Variants in TUBB observed in about 807,000 individuals in gnomAD.
The protein encoded by TUBB is tubulin beta class I, also known as tubulin beta chain.
In TUBB, 2 loss-of-function variants were observed where a neutral mutation model predicts 35.1. The ratio of observed to expected loss-of-function variants is 0.06; its 90% CI spans 0.02 to 0.18. The LOEUF (loss-of-function observed/expected upper bound fraction) is 0.18. TUBB is among the 10% of genes least tolerant of loss of function. TUBB has a pLI of 1.00. For missense variants in TUBB, 50 were observed against 599.4 expected, an observed-to-expected ratio of 0.08 and a Z score of 9.57; for synonymous variants, 205 against 223.8, an observed-to-expected ratio of 0.92 and a Z score of 0.75.
chr6:30,721,245 T>TC (rs1776207602), intron 1 of TUBB, among the ~76,000 whole-genome samples: 1 of 151,894 alleles, frequency 6.6e-6, no homozygotes, highest in South Asian at 2.1e-4. Context: ...CTTTAATGAG[T>TC]CCCTCAGGAC....
chr6:30,722,683 C>T (rs1351587678), intron 2 of TUBB, 38 bp downstream of exon 2: 1 of 1,509,920 alleles, frequency 6.6e-7, no homozygotes, highest in Admixed American at 1.7e-5. Flanking sequence ...GTTCCCTTCC[C>T]TGTCTCCCAC....
rs1776532382 is a variant in TUBB, at chr6:30,724,810, G to A, written c.*413G>A. ...AAATGGTAGAAGGTAGTGGGTAGAAGTCACTATATAAGGAAGGGGATGGGA... is the reference window on the plus strand; with the variant it reads ...AAATGGTAGAAGGTAGTGGGTAGAAATCACTATATAAGGAAGGGGATGGGA... On this transcript the variant is annotated 3_prime_UTR_variant, in exon 4 of 4. Coordinates refer to ENST00000327892, the MANE Select transcript of TUBB (RefSeq NM_178014.4). The surrounding 1 kb of genome is among the most constrained non-coding windows in gnomAD (Gnocchi z 4.4). 1 of 191,294 alleles carries A rather than the reference G, an allele frequency of 5.2e-6. No individual in the cohort carries two copies. The highest frequency in any genetic ancestry group is 2.3e-5 in the African/African-American group (1 of 42,574). 11.8% of individuals were successfully genotyped at this position (191,294 alleles called of 1,614,324 possible).
At chr6:30,720,608 C>T in intron 1 of TUBB, 45 bp downstream of exon 1, 1 of 1,575,988 alleles carries the variant, frequency 6.3e-7, no homozygotes, top group Admixed American at 1.8e-5. Flanking sequence ...AAGGAAAAAT[C>T]CAGGTAAGTT....
rs772651463 is a variant in TUBB at position 30,720,465 on chromosome 6, C to G, written c.-42C>G. 65 of 1,598,272 alleles carry G rather than the reference C, an allele frequency of 4.1e-5. No individual in the cohort carries two copies. Among genetic ancestry groups the G allele is most frequent in the Admixed American group, 2.3e-4 (14 of 59,980 alleles). ...AAAAAAAATTACTTATTTTCTTGCC[C>G]CATACATACCTTGAGGCGAGCAAAA... On this transcript the variant is annotated 5_prime_UTR_variant, in exon 1 of 4. Coordinates refer to ENST00000327892, the MANE Select transcript of TUBB (RefSeq NM_178014.4).
chr6:30,724,523 G>C lies in TUBB; in HGVS notation c.*126G>C, dbSNP rs193275555. 1.8e-4 allele frequency: 153 copies of C among 834,372 alleles called. No homozygotes were observed. The East Asian group carries it at 3.8e-3, about 21-fold the overall frequency. 51.7% of individuals were successfully genotyped at this position (834,372 alleles called of 1,614,324 possible). On this transcript the variant is annotated 3_prime_UTR_variant, in exon 4 of 4. Coordinates refer to ENST00000327892, the MANE Select transcript of TUBB (RefSeq NM_178014.4). This position sits in a 1 kb window ranked among gnomAD's most constrained non-coding sequence, Gnocchi z 4.4. ...GTTTTTTGTTTTTTCTTCTGGGGGGGGTCTAGAACAGTGCCTGGCACATAG... is the reference window on the plus strand; with the variant it reads ...GTTTTTTGTTTTTTCTTCTGGGGGGCGTCTAGAACAGTGCCTGGCACATAG...
chr6:30,725,254 T>C lies in TUBB; in HGVS notation c.*857T>C, dbSNP rs1343005324. 1 of 158,112 alleles carries C rather than the reference T, an allele frequency of 6.3e-6. No homozygotes were observed. The highest frequency in any genetic ancestry group is 2.4e-5 in the African/African-American group (1 of 41,500). The allele number at this position is 158,112 out of a possible 1,614,324, so 9.8% of individuals were successfully genotyped here. On this transcript the variant is annotated 3_prime_UTR_variant, in exon 4 of 4. Transcript: ENST00000327892. Reference sequence around the variant, plus strand: ...AGGAGAGGGGAACCCTCCTCCATCTTTTTTGCAACATCTCATTTCTTCCTT... The same window carrying C: ...AGGAGAGGGGAACCCTCCTCCATCTCTTTTGCAACATCTCATTTCTTCCTT...
chr6:30,720,445 A>T lies in TUBB; in HGVS notation c.-62A>T, dbSNP rs1409039587. 1.9e-6 allele frequency: 3 copies of T among 1,571,234 alleles called. No individual in the cohort carries two copies. In the East Asian group the frequency reaches 6.7e-5, roughly 35 times the overall value. ...CCAGCCTGCGACCTGCGGAGAAAAA[A>T]AATTACTTATTTTCTTGCCCCATAC... On this transcript the variant is annotated 5_prime_UTR_variant, in exon 1 of 4. Coordinates refer to ENST00000327892, the MANE Select transcript of TUBB (RefSeq NM_178014.4).
rs182774753 is a variant in TUBB, at chr6:30,722,419, G to T, written c.58-118G>T. Reference sequence around the variant, plus strand: ...GATAGCGCCACTGCACTCCAGCCTGGTGACAGAGCGAGACTCCGTCTCAAA... The same window carrying T: ...GATAGCGCCACTGCACTCCAGCCTGTTGACAGAGCGAGACTCCGTCTCAAA... On this transcript the variant is annotated intron_variant, in intron 1 of 3. Coordinates refer to ENST00000327892, the MANE Select transcript of TUBB (RefSeq NM_178014.4). 1,509 of 722,520 alleles carry T rather than the reference G, an allele frequency of 2.1e-3. 21 individuals carry two copies. The highest frequency in any genetic ancestry group is 4.6e-4 in the Non-Finnish European group (195 of 421,392). The allele number at this position is 722,520 out of a possible 1,614,324, so 44.8% of individuals were successfully genotyped here.
intron 1 of TUBB, 93 bp downstream of exon 1, chr6:30,720,656 C>T: frequency 9.0e-7 from 1 of 1,106,256 alleles, no homozygotes; most frequent in Non-Finnish European, 1.3e-6. Flanking sequence ...ACCCGCTATC[C>T]TTAATCAAGA....
At position 30,721,398 on chromosome 6, in the gene TUBB, G is replaced by C. The variant is rs566484366; in HGVS notation, c.57+835G>C. On this transcript the variant is annotated intron_variant, in intron 1 of 3. Transcript: ENST00000327892. Reference sequence around the variant, plus strand: ...GGGCGGGAGGAAGTGCGGCTGCTACGTTGTAGCAGAAGGGCGGGGCCCTGC... The same window carrying C: ...GGGCGGGAGGAAGTGCGGCTGCTACCTTGTAGCAGAAGGGCGGGGCCCTGC... 3.1e-4 allele frequency among the ~76,000 whole-genome samples: 46 copies of C among 149,906 alleles called. 1 individual carries two copies. Among genetic ancestry groups the C allele is most frequent in the Admixed American group, 3.0e-3 (45 of 15,094 alleles).
At chr6:30,721,450 C>T (rs1254169434) in intron 1 of TUBB, 1 of 667,908 alleles carries the variant, frequency 1.5e-6, no homozygotes, top group Non-Finnish European at 1.9e-6. Context: ...GCCGTGGGCG[C>T]GCGGGGACAA....
chr6:30,721,598 G>GGCGGGGGGGGTGGTCGACT, intron 1 of TUBB: 1 of 985,332 alleles, frequency 1.0e-6, no homozygotes, highest in Non-Finnish European at 1.2e-6. Flanking sequence ...TCACGTGGAG[G>GGCGGGGGGGGTGGTCGACT]GCGGGGGGGG....
chr6:30,722,884 C>G, intron 2 of TUBB, 34 bp from the exon 3 acceptor site: 1 of 1,558,362 alleles, frequency 6.4e-7, no homozygotes, highest in Non-Finnish European at 8.8e-7. Context: ...TCCCTTCTGC[C>G]AGATTTCACA....
At chr6:30,721,222 G>T (rs1040712663) in intron 1 of TUBB, among the ~76,000 whole-genome samples, 1 of 152,218 alleles carries the variant, frequency 6.6e-6, no homozygotes, top group Admixed American at 6.5e-5. Flanking sequence ...AGAAAATGGG[G>T]GTGTGTGGTT....
intron 1 of TUBB, chr6:30,721,760 A>T: frequency 2.0e-6 from 2 of 985,104 alleles, no homozygotes; most frequent in South Asian, 9.4e-5. Flanking sequence ...CCCGCTGCAC[A>T]TATCCAGAGC....
chr6:30,720,515 A>G lies in TUBB; in HGVS notation c.9A>G (p.Glu3=). 3 of 1,614,112 alleles carry G rather than the reference A, an allele frequency of 1.9e-6. No individual in the cohort carries two copies. Among genetic ancestry groups the G allele is most frequent in the Non-Finnish European group, 2.5e-6 (3 of 1,179,948 alleles). ...AAAATTAAATTTTAACCATGAGGGA[A>G]ATCGTGCACATCCAGGCTGGTCAGT... MR[E]IVHIQAGQCG... is the part of the protein sequence containing the mutation. The change falls in exon 1 of 4, where the codon GAA becomes GAG. Residue 3 remains glutamate (E), a synonymous_variant. Coordinates refer to ENST00000327892, the MANE Select transcript of TUBB (RefSeq NM_178014.4).
chr6:30,722,775 C>T (rs908590487), intron 2 of TUBB, 130 bp downstream of exon 2: 1 of 1,119,746 alleles, frequency 8.9e-7, no homozygotes, highest in African/African-American at 1.6e-5. Context: ...CGTGAACCAC[C>T]GTCGGGGCCA....
chr6:30,724,428 G>A lies in TUBB; in HGVS notation c.*31G>A, dbSNP rs1776493625. 3.2e-6 allele frequency: 5 copies of A among 1,576,798 alleles called. No homozygotes were observed. The South Asian group carries it at 4.6e-5, about 15-fold the overall frequency. ...AGCCCCCATCACCTCAGGCTTCTCA[G>A]TTCCCTTAGCCGTCTTACTCAACTG... is the stretch of plus-strand genomic sequence containing the variant. On this transcript the variant is annotated 3_prime_UTR_variant, in exon 4 of 4. Transcript: ENST00000327892. This position sits in a 1 kb window ranked among gnomAD's most constrained non-coding sequence, Gnocchi z 4.4.
chr6:30,721,014 G>C (rs774819126), intron 1 of TUBB, among the ~76,000 whole-genome samples: 7 of 152,264 alleles, frequency 4.6e-5, no homozygotes, highest in Non-Finnish European at 7.3e-5. Context: ...TCCAGCGCAA[G>C]GGTGGGGGGC....
Sources: allele counts gnomAD v4.1 joint callset (sites outside exome capture counted in the v4.1 genomes callset), GRCh38; gene constraint gnomAD v4.1.1; non-coding constraint Gnocchi (gnomAD v3.1); transcripts MANE v1.5; gene names NCBI Gene and HGNC (gene_info 2026-07-23, HGNC 2026-07-21).